Variants in KLF17 observed in about 807,000 individuals in gnomAD.
KLF17 encodes Krueppel-like factor 17.
KLF17 carries 31 observed loss-of-function variants against 34.2 expected under a neutral mutation model. That is an observed-to-expected ratio of 0.91 (90% confidence interval 0.68 to 1.22). The LOEUF (loss-of-function observed/expected upper bound fraction) is 1.22. KLF17 is among the 50% of genes most tolerant of loss of function. The pLI is 0.00. For synonymous variants in KLF17, 179 were observed against 186.7 expected, an observed-to-expected ratio of 0.96 and a Z score of 0.34; for missense variants, 478 against 505.2, an observed-to-expected ratio of 0.95 and a Z score of 0.52.
chr1:44,061,184 A>C, the KLF17 span: 17 of 152,338 alleles, frequency 1.1e-4, no homozygotes, highest in African/African-American at 4.1e-4. Context: ...CCGCCTACTG[A>C]CCTGGAGAAT....
chr1:44,127,767 CTTCT>C (rs1468107494), intron 1 of KLF17, among the ~76,000 whole-genome samples: 12 of 126,608 alleles, frequency 9.5e-5, no homozygotes, highest in South Asian at 5.2e-4. Flanking sequence ...TCTTTCTTCT[CTTCT>C]TTCTTTCTTC....
chr1:44,102,029 A>G, the KLF17 span, among the ~76,000 whole-genome samples: 2 of 150,030 alleles, frequency 1.3e-5, no homozygotes, highest in African/African-American at 4.9e-5. Flanking sequence ...TGGGCAATAG[A>G]TTGAGACCCT....
Position 44,135,058 on chromosome 1 carries a change from T to G in KLF17, c.*1821T>G, listed in dbSNP as rs944409503. ...AAAAAAGAAAAATAATAAAAAATAA[T>G]AAAAATCCTTAGGATAACTTGAGGC... is the stretch of plus-strand genomic sequence containing the variant. On this transcript the variant is annotated 3_prime_UTR_variant, in exon 4 of 4. Coordinates refer to ENST00000372299, the MANE Select transcript of KLF17 (RefSeq NM_173484.4). 2.0e-5 allele frequency: 3 copies of G among 151,984 alleles called. No individual in the cohort carries two copies. Among genetic ancestry groups the G allele is most frequent in the African/African-American group, 7.2e-5 (3 of 41,394 alleles). The allele number at this position is 151,984 out of a possible 1,614,324, so 9.4% of individuals were successfully genotyped here. A position where few individuals can be genotyped will look rare whatever the true frequency, so the allele number is the denominator to read the frequency against.
the KLF17 span, chr1:44,104,934 T>C: frequency 6.4e-6 from 1 of 155,670 alleles, no homozygotes; most frequent in South Asian, 2.0e-4. Flanking sequence ...AGCCAAACCC[T>C]GTCTGCACAA....
intron 3 of KLF17, among the ~76,000 whole-genome samples, chr1:44,132,817 A>T (rs984784222): frequency 1.1e-4 from 16 of 152,208 alleles, no homozygotes; most frequent in African/African-American, 3.9e-4. Flanking sequence ...TAAGGGGATA[A>T]TGACTATCTT....
At chr1:44,099,916 A>AGAAG in the KLF17 span, among the ~76,000 whole-genome samples, 10 of 71,690 alleles carry the variant, frequency 1.4e-4, no homozygotes, top group Non-Finnish European at 3.2e-4. Context: ...AAAGAAAGAA[A>AGAAG]GAAAAGAAAG....
At chr1:44,080,858 G>A in the KLF17 span, among the ~76,000 whole-genome samples, 2 of 151,392 alleles carry the variant, frequency 1.3e-5, no homozygotes, top group Admixed American at 1.3e-4. Flanking sequence ...GGGACTATAG[G>A]CATGTGCCAC....
At chr1:44,097,015 C>T in the KLF17 span, among the ~76,000 whole-genome samples, 4 of 152,124 alleles carry the variant, frequency 2.6e-5, no homozygotes, top group Admixed American at 6.6e-5. Context: ...TAAGGTGTAA[C>T]GAAGTGGTCT....
chr1:44,130,048 A>G lies in KLF17; in HGVS notation c.777A>G (p.Pro259=). The G allele has an allele frequency of 6.2e-7, 1 of 1,614,218 alleles. No individual in the cohort carries two copies. The highest frequency in any genetic ancestry group is 8.5e-7 in the Non-Finnish European group (1 of 1,180,032). ...PFLPEQPGPA[P]QTVEKNSRPQ... ...TACCAGAGCAGCCCGGACCTGCTCC[A>G]CAGACAGTAGAGAAGAACTCCAGGC... Residue 259 remains proline, a synonymous_variant, in exon 2 of 4, where the codon CCA becomes CCG. Transcript: ENST00000372299.
chr1:44,101,433 T>C, the KLF17 span: 1 of 152,188 alleles, frequency 6.6e-6, no homozygotes, highest in South Asian at 2.1e-4. Flanking sequence ...GTTCCCTCCG[T>C]CTTTCCTTAT....
chr1:44,079,750 T>C, the KLF17 span, among the ~76,000 whole-genome samples: 3 of 152,132 alleles, frequency 2.0e-5, no homozygotes, highest in African/African-American at 7.2e-5. Context: ...CAACTTCATT[T>C]TTTCCATCCA....
In KLF17 at chr1:44,118,821, G is replaced by A. The variant is rs986613528; in HGVS notation, c.-87G>A. The A allele has an allele frequency of 3.1e-6, 3 of 953,350 alleles. No homozygotes were observed. The highest frequency in any genetic ancestry group is 1.7e-5 in the African/African-American group (1 of 59,314). The allele number at this position is 953,350 out of a possible 1,614,324, so 59.1% of individuals were successfully genotyped here. On this transcript the variant is annotated 5_prime_UTR_variant, in exon 1 of 4. The change creates a new upstream start codon in the 5' untranslated region. Coordinates refer to ENST00000372299, the MANE Select transcript of KLF17 (RefSeq NM_173484.4). ...TAGGTAAATAGAAGGTGATTGTGGC[G>A]TGGCGATGTACCGATACCCGCCTGC...
chr1:44,074,100 T>G, the KLF17 span, among the ~76,000 whole-genome samples: 3 of 152,190 alleles, frequency 2.0e-5, no homozygotes, highest in African/African-American at 7.2e-5. Context: ...ACCCTTATTT[T>G]TATTCCGTTC....
chr1:44,046,991 C>T, the KLF17 span, among the ~76,000 whole-genome samples: 2 of 135,756 alleles, frequency 1.5e-5, no homozygotes, highest in Admixed American at 8.3e-5. Context: ...CGTGCCACTG[C>T]ACTCCAGCCT....
At chr1:44,130,218 G>C (rs374542184) in intron 2 of KLF17, 22 bp downstream of exon 2, 1 of 1,591,392 alleles carries the variant, frequency 6.3e-7, no homozygotes, top group Non-Finnish European at 8.6e-7. Context: ...GTCAGGTGGG[G>C]TGGGGATGGA....
At chr1:44,091,961 A>ACACACTCTCTCTCT in the KLF17 span, among the ~76,000 whole-genome samples, 15 of 116,558 alleles carry the variant, frequency 1.3e-4, no homozygotes, top group African/African-American at 5.3e-4. Context: ...ACACACACAC[A>ACACACTCTCTCTCT]CTCTCTCTCT....
rs11401670 is a variant in KLF17 at position 44,127,634 on chromosome 1, C to CTTTTCT, written c.82-1716_82-1715insTCTTTT. Among the ~76,000 whole-genome samples, 22 of 41,062 alleles carry CTTTTCT rather than the reference C, an allele frequency of 5.4e-4. 2 individuals carry two copies. Among genetic ancestry groups the CTTTTCT allele is most frequent in the African/African-American group, 1.1e-3 (16 of 14,288 alleles). 26.9% of individuals were successfully genotyped at this position (41,062 alleles called of 152,430 possible). A position where few individuals can be genotyped will look rare whatever the true frequency, so the allele number is the denominator to read the frequency against. On this transcript the variant is annotated intron_variant, in intron 1 of 3. Transcript: ENST00000372299. Reference sequence around the variant, plus strand: ...TCTTTCTTTTCTTTTCTTTTCTTTTCTTTCCTTCTTTCTTTCTTTCTTTCT... The same window carrying CTTTTCT: ...TCTTTCTTTTCTTTTCTTTTCTTTTCTTTTCTTTTCCTTCTTTCTTTCTTTCTTTCT...
chr1:44,118,442 C>A (rs1276613600), upstream of KLF17, among the ~76,000 whole-genome samples: 1 of 152,164 alleles, frequency 6.6e-6, no homozygotes, highest in Non-Finnish European at 1.5e-5. Flanking sequence ...AAGATCCCGA[C>A]CTGAGAGAGT....
In KLF17 at chr1:44,133,714, C is replaced by T. The variant is rs1009763658; in HGVS notation, c.*477C>T. ...CCCCACAGCCTTGGCTGTGCCTGCC[C>T]CTGCCCTCTCACCCCTACCCTGACC... is the stretch of plus-strand genomic sequence containing the variant. On this transcript the variant is annotated 3_prime_UTR_variant, in exon 4 of 4. Transcript: ENST00000372299. 2.0e-5 allele frequency: 3 copies of T among 152,318 alleles called. No individual in the cohort carries two copies. The highest frequency in any genetic ancestry group is 7.2e-5 in the African/African-American group (3 of 41,470). The allele number at this position is 152,318 out of a possible 1,614,324, so 9.4% of individuals were successfully genotyped here. A position where few individuals can be genotyped will look rare whatever the true frequency, so the allele number is the denominator to read the frequency against.
Sources: allele counts gnomAD v4.1 joint callset (sites outside exome capture counted in the v4.1 genomes callset), GRCh38; gene constraint gnomAD v4.1.1; transcripts MANE v1.5; gene names NCBI Gene and HGNC (gene_info 2026-07-23, HGNC 2026-07-21).